Variants in TENM3 observed in about 807,000 individuals in gnomAD.
The protein encoded by TENM3 is teneurin transmembrane protein 3, also known as teneurin-3.
TENM3 carries 63 observed loss-of-function variants against 255.1 expected under a neutral mutation model. The ratio of observed to expected loss-of-function variants is 0.25; its 90% confidence interval spans 0.20 to 0.30. TENM3 has a LOEUF of 0.30. TENM3 is among the 10% of genes least tolerant of loss of function. The probability of loss-of-function intolerance (pLI) is 1.00; values close to 1 mark genes in which losing one functional copy is unlikely to be tolerated. For synonymous variants in TENM3, 1,306 were observed against 1,322.3 expected, an observed-to-expected ratio of 0.99 and a Z score of 0.27; for missense variants, 2,929 against 3,461.1, an observed-to-expected ratio of 0.85 and a Z score of 3.86.
the TENM3 span, among the ~76,000 whole-genome samples, chr4:181,942,479 G>T: frequency 6.6e-6 from 1 of 151,950 alleles, no homozygotes. Context: ...GGGACCAGTG[G>T]GGTGGCTGTT....
the TENM3 span, among the ~76,000 whole-genome samples, chr4:181,917,128 T>A: frequency 1.5e-3 from 222 of 152,174 alleles, no homozygotes; most frequent in Non-Finnish European, 2.2e-3. Flanking sequence ...CTGGCGCTCT[T>A]ATGGGTGCTT....
At chr4:182,730,696 A>G (rs1043547502) in intron 15 of TENM3, among the ~76,000 whole-genome samples, 182 bp from the exon 16 acceptor site, 1 of 152,242 alleles carries the variant, frequency 6.6e-6, no homozygotes, top group African/African-American at 2.4e-5. Flanking sequence ...GTGAATACAC[A>G]TAGGACACAA....
the TENM3 span, among the ~76,000 whole-genome samples, chr4:182,065,429 A>G: frequency 4.6e-5 from 7 of 152,366 alleles, no homozygotes; most frequent in Middle Eastern, 3.4e-3. Context: ...GGAAACTCAC[A>G]GTCACGGCAG....
intron 3 of TENM3, among the ~76,000 whole-genome samples, chr4:182,563,091 T>C (rs137870334): frequency 8.6e-4 from 131 of 152,232 alleles, no homozygotes; most frequent in African/African-American, 3.0e-3. Context: ...TATTTCAAAA[T>C]GTTACTCTGG....
chr4:181,521,970 G>A, the TENM3 span, among the ~76,000 whole-genome samples: 2 of 151,770 alleles, frequency 1.3e-5, no homozygotes, highest in Non-Finnish European at 2.9e-5. Context: ...GCACGGTGGC[G>A]GGCGCCTGTA....
At chr4:182,117,108 C>T in the TENM3 span, among the ~76,000 whole-genome samples, 1 of 152,270 alleles carries the variant, frequency 6.6e-6, no homozygotes, top group Non-Finnish European at 1.5e-5. Flanking sequence ...TGTCTGACAT[C>T]TTTGGCCCAA....
At chr4:181,582,829 G>A in the TENM3 span, among the ~76,000 whole-genome samples, 11 of 152,156 alleles carry the variant, frequency 7.2e-5, no homozygotes. Context: ...AAGGAAAGCG[G>A]CCATCTTGTT....
chr4:182,474,771 TG>T (rs1733503250), intron 3 of TENM3, among the ~76,000 whole-genome samples: 1 of 152,208 alleles, frequency 6.6e-6, no homozygotes, highest in South Asian at 2.1e-4. Context: ...TTTATCTAAG[TG>T]AATGCTTTCT....
intron 2 of TENM3, among the ~76,000 whole-genome samples, chr4:182,327,655 T>C (rs1763499969): frequency 6.6e-6 from 1 of 152,220 alleles, no homozygotes; most frequent in Non-Finnish European, 1.5e-5. Flanking sequence ...TTGATCTCTT[T>C]CTCTTTTTAA....
chr4:182,574,341 A>G (rs1274012544), intron 3 of TENM3, among the ~76,000 whole-genome samples: 1 of 152,024 alleles, frequency 6.6e-6, no homozygotes, highest in African/African-American at 2.4e-5. Flanking sequence ...TCTTTATTCC[A>G]GAAAGGATAC....
At chr4:182,014,964 G>GA in the TENM3 span, among the ~76,000 whole-genome samples, 1 of 152,168 alleles carries the variant, frequency 6.6e-6, no homozygotes, top group African/African-American at 2.4e-5. Context: ...TGGAATTAGA[G>GA]AAAATATTCT....
intron 6 of TENM3, among the ~76,000 whole-genome samples, chr4:182,656,437 G>A (rs1400416925): frequency 1.3e-5 from 2 of 152,232 alleles, no homozygotes; most frequent in Non-Finnish European, 2.9e-5. Flanking sequence ...AAGACCTGGG[G>A]CACAGGGAGT....
chr4:182,218,247 G>A (rs1392492114), intron 1 of TENM3, among the ~76,000 whole-genome samples: 1 of 152,154 alleles, frequency 6.6e-6, no homozygotes, highest in Non-Finnish European at 1.5e-5. Context: ...ACCATCTTGA[G>A]AGCCTCACAT....
the TENM3 span, among the ~76,000 whole-genome samples, chr4:182,067,399 G>A: frequency 1.3e-5 from 2 of 152,130 alleles, no homozygotes; most frequent in Non-Finnish European, 2.9e-5. Context: ...ATCATTCGGG[G>A]TTCAGTGCAC....
chr4:182,152,925 T>G (rs1750445960), intron 1 of TENM3, among the ~76,000 whole-genome samples: 1 of 151,832 alleles, frequency 6.6e-6, no homozygotes, highest in African/African-American at 2.4e-5. Flanking sequence ...TACCTTTTAG[T>G]TAAAAGTGCA....
chr4:182,590,335 T>C (rs1746474150), intron 3 of TENM3, among the ~76,000 whole-genome samples: 1 of 151,318 alleles, frequency 6.6e-6, no homozygotes. Context: ...CTTCTCCTTG[T>C]TCATTAAAAA....
Position 182,752,037 on chromosome 4 carries a change from C to T in TENM3, c.3862+5C>T, listed in dbSNP as rs772571109. 11 of 1,491,588 alleles carry T rather than the reference C, an allele frequency of 7.4e-6. No individual in the cohort carries two copies. The highest frequency in any genetic ancestry group is 5.3e-5 in the South Asian group (4 of 75,834). The allele number at this position is 1,491,588 out of a possible 1,614,324, so 92.4% of individuals were successfully genotyped here. A position where few individuals can be genotyped will look rare whatever the true frequency, so the allele number is the denominator to read the frequency against. ...CCACACTCATGAGTCCCAAAGGTAC[C>T]GGCAGTTGGCGATTTGAGGATTTCT... On this transcript the variant is annotated splice_donor_5th_base_variant and intron_variant, in intron 20 of 27. Transcript: ENST00000511685.
At chr4:181,545,230 A>T in the TENM3 span, among the ~76,000 whole-genome samples, 1 of 152,164 alleles carries the variant, frequency 6.6e-6, no homozygotes, top group Admixed American at 6.5e-5. Flanking sequence ...TGTTTATCTC[A>T]TCTGATTTTG....
intron 3 of TENM3, among the ~76,000 whole-genome samples, chr4:182,443,695 G>A (rs1561452366): frequency 1.3e-5 from 2 of 152,042 alleles, no homozygotes; most frequent in Non-Finnish European, 1.5e-5. Context: ...TTGCTTGACT[G>A]CCCCCTACAA....
Sources: allele counts gnomAD v4.1 joint callset (sites outside exome capture counted in the v4.1 genomes callset), GRCh38; gene constraint gnomAD v4.1.1; transcripts MANE v1.5; gene names NCBI Gene and HGNC (gene_info 2026-07-23, HGNC 2026-07-21).